Variants in ADGRL2 observed in about 807,000 individuals in gnomAD.
ADGRL2 encodes calcium-independent alpha-latrotoxin receptor 2.
In ADGRL2, 44 loss-of-function variants were observed where a neutral mutation model predicts 157.4. The observed-to-expected ratio is 0.28, with a 90% CI of 0.22 to 0.36. The LOEUF (loss-of-function observed/expected upper bound fraction) is 0.36. Ranked by LOEUF, ADGRL2 falls within the 10% of genes least tolerant of loss-of-function variation. ADGRL2 has a pLI of 1.00. For missense variants in ADGRL2, 1,510 were observed against 1,768.9 expected, an observed-to-expected ratio of 0.85 and a Z score of 2.63; for synonymous variants, 585 against 624.7, an observed-to-expected ratio of 0.94 and a Z score of 0.95.
chr1:81,394,571 C>T (rs184993000), intron 1 of ADGRL2, among the ~76,000 whole-genome samples: 49 of 152,214 alleles, frequency 3.2e-4, no homozygotes, highest in Middle Eastern at 6.8e-3. Flanking sequence ...AATATTATTC[C>T]GTTGTGTATA....
chr1:81,676,245 A>G (rs1181278089), intron 3 of ADGRL2, among the ~76,000 whole-genome samples: 5 of 151,958 alleles, frequency 3.3e-5, no homozygotes, highest in African/African-American at 1.2e-4. Context: ...TCCTGACCTC[A>G]TGATCTGCCC....
intron 2 of ADGRL2, among the ~76,000 whole-genome samples, chr1:81,555,265 CTTTTTTT>C (rs71666308): frequency 2.6e-5 from 3 of 115,938 alleles, no homozygotes; most frequent in East Asian, 5.0e-4. Flanking sequence ...TATTTCTTTT[CTTTTTTT>C]TTTTTTTTTT....
At chr1:81,682,581 A>G (rs892414054) in intron 3 of ADGRL2, among the ~76,000 whole-genome samples, 7 of 152,300 alleles carry the variant, frequency 4.6e-5, no homozygotes, top group African/African-American at 1.7e-4. Flanking sequence ...TGGTGTGTGC[A>G]TGAAAATTCC....
rs1338664372 is a variant in ADGRL2, at chr1:81,590,711, A to G, written c.-143+9731A>G. Among the ~76,000 whole-genome samples the G allele has an allele frequency of 2.0e-5, 3 of 152,196 alleles. No individual in the cohort carries two copies. The East Asian group carries it at 5.8e-4, about 29-fold the overall frequency. ...TCTTCCATAATAAACCCATTTTTGC[A>G]TGCTCAGTTTTTTTATTAGTTTATT... On this transcript the variant is annotated intron_variant, in intron 3 of 24. Coordinates refer to the ADGRL2 transcript ENST00000370721.
rs10544342 is a variant in ADGRL2 at position 81,903,807 on chromosome 1, T to TTATA, written c.74-3207_74-3204dup. The stretch of plus-strand genomic sequence containing the variant: ...TACACATTATATATATATACACATT[T>TTATA]TATATACACACACACACACACACAC... On this transcript the variant is annotated intron_variant, in intron 2 of 23. Transcript: ENST00000686636. 8.9e-4 allele frequency among the ~76,000 whole-genome samples: 114 copies of TTATA among 128,760 alleles called. 2 individuals are homozygous for TTATA. The highest frequency in any genetic ancestry group is 2.8e-3 in the African/African-American group (97 of 34,872). The allele number at this position is 128,760 out of a possible 152,430, so 84.5% of individuals were successfully genotyped here.
chr1:81,738,435 T>C (rs1339832616), intron 1 of ADGRL2, among the ~76,000 whole-genome samples: 1 of 152,132 alleles, frequency 6.6e-6, no homozygotes, highest in Non-Finnish European at 1.5e-5. Flanking sequence ...AAATGAAACG[T>C]TTCCACAAAT....
Position 81,900,479 on chromosome 1 carries a change from G to A in ADGRL2, c.74-6538G>A, listed in dbSNP as rs530725536. Among the ~76,000 whole-genome samples the A allele has an allele frequency of 5.9e-5, 9 of 152,170 alleles. No homozygotes were observed. In the East Asian group the frequency reaches 1.6e-3, roughly 26 times the overall value. ...CCATGAAGAGCTGACATGATTTGGA[G>A]TAGAGAGTGGAAACTCATGCCCAGC... On this transcript the variant is annotated intron_variant, in intron 2 of 23. Transcript: ENST00000686636.
chr1:81,477,916 C>T lies in ADGRL2; in HGVS notation c.-248+32827C>T, dbSNP rs531467453. Among the ~76,000 whole-genome samples, 33 of 152,134 alleles carry T rather than the reference C, an allele frequency of 2.2e-4. No homozygotes were observed. In the South Asian group the frequency reaches 6.4e-3, roughly 30 times the overall value. ...CACTACGATGTCATTCTGGCTGCAG[C>T]GTCATCTTGTGTGGCTCAGGAAGGA... is the stretch of plus-strand genomic sequence containing the variant. On this transcript the variant is annotated intron_variant, in intron 2 of 24. Transcript: ENST00000370721.
In ADGRL2 at chr1:81,323,632, A is replaced by G. The variant is rs113883367; in HGVS notation, c.-302+17123A>G. Among the ~76,000 whole-genome samples, 374 of 152,252 alleles carry G rather than the reference A, an allele frequency of 2.5e-3. 2 individuals carry two copies. Among genetic ancestry groups the G allele is most frequent in the African/African-American group, 8.5e-3 (354 of 41,566 alleles). On this transcript the variant is annotated intron_variant, in intron 1 of 24. Coordinates refer to the ADGRL2 transcript ENST00000370721. Reference sequence around the variant, plus strand: ...ATAGACTTTAAATAATCACACAAAGAAACCTTTGATAACAAATAGTGATAA... The same window carrying G: ...ATAGACTTTAAATAATCACACAAAGGAACCTTTGATAACAAATAGTGATAA...
At chr1:81,908,887 T>C (rs2148350594) in intron 3 of ADGRL2, among the ~76,000 whole-genome samples, 1 of 152,044 alleles carries the variant, frequency 6.6e-6, no homozygotes, top group Non-Finnish European at 1.5e-5. Flanking sequence ...TCTTTTTTTT[T>C]TTTTTAAGAC....
intron 17 of ADGRL2, among the ~76,000 whole-genome samples, chr1:81,976,396 A>C (rs927903499): frequency 5.9e-5 from 9 of 152,064 alleles, no homozygotes; most frequent in African/African-American, 2.2e-4. Context: ...GTTGGGTTTA[A>C]CTATAAATTT....
intron 8 of ADGRL2, 65 bp from the exon 9 acceptor site, chr1:81,951,892 A>G: frequency 7.7e-7 from 1 of 1,295,176 alleles, no homozygotes; most frequent in East Asian, 2.4e-5. Flanking sequence ...AAGATACTCA[A>G]GGAGAACTAG....
chr1:81,981,178 C>A, intron 18 of ADGRL2: 2 of 373,306 alleles, frequency 5.4e-6, no homozygotes, highest in Non-Finnish European at 1.1e-5. Flanking sequence ...ACATGGAATG[C>A]ACTGACTTTA....
chr1:81,547,553 A>C (rs1207162618), intron 2 of ADGRL2, among the ~76,000 whole-genome samples: 1 of 152,192 alleles, frequency 6.6e-6, no homozygotes, highest in Non-Finnish European at 1.5e-5. Context: ...ACTCGCTAGT[A>C]TTGTTGTTAT....
At chr1:81,657,517 T>G (rs996312942) in intron 3 of ADGRL2, among the ~76,000 whole-genome samples, 1 of 152,178 alleles carries the variant, frequency 6.6e-6, no homozygotes, top group African/African-American at 2.4e-5. Context: ...AAGGAATTCT[T>G]TCATGGTTAA....
intron 2 of ADGRL2, among the ~76,000 whole-genome samples, chr1:81,455,977 G>C (rs1029909112): frequency 6.6e-6 from 1 of 152,130 alleles, no homozygotes; most frequent in African/African-American, 2.4e-5. Context: ...AGAAATTATA[G>C]TTGTAAGTTT....
intron 2 of ADGRL2, among the ~76,000 whole-genome samples, chr1:81,849,369 G>A (rs769025927): frequency 5.7e-4 from 87 of 151,936 alleles, no homozygotes; most frequent in Non-Finnish European, 3.4e-4. Flanking sequence ...ATAAAACCCC[G>A]TAACCATTTA....
Position 81,990,469 on chromosome 1 carries a change from C to T in ADGRL2, c.3734C>T (p.Ser1245Leu), listed in dbSNP as rs779274576. The change falls in exon 24 of 24, where the codon TCG becomes TTG. Residue 1245 changes from serine (S) to leucine (L), a missense_variant. Transcript: ENST00000686636. ...AATGGTAATTTTAACAACAGCTACTCGCTGCACAAGGGTGACTATAATGAC... is the reference window on the plus strand; with the variant it reads ...AATGGTAATTTTAACAACAGCTACTTGCTGCACAAGGGTGACTATAATGAC... The part of the protein sequence containing the change: ...PLNGNFNNSY[S>L]LHKGDYNDSV... 15 of 1,613,948 alleles carry T rather than the reference C, an allele frequency of 9.3e-6. No homozygotes were observed. In the East Asian group the frequency reaches 1.3e-4, roughly 14 times the overall value.
At chr1:81,758,808 GAATCC>G (rs2085774867) in intron 1 of ADGRL2, among the ~76,000 whole-genome samples, 1 of 152,178 alleles carries the variant, frequency 6.6e-6, no homozygotes, top group Middle Eastern at 3.2e-3. Flanking sequence ...TACAGAGCTG[GAATCC>G]AATTCTCAGG....
Sources: gnomAD v4.1 joint callset for allele counts (sites outside exome capture counted in the v4.1 genomes callset) on GRCh38, gnomAD v4.1.1 for gene constraint, MANE v1.5 for transcripts, NCBI Gene and HGNC (gene_info 2026-07-23, HGNC 2026-07-21) for gene names.